ADAM10: variants seen among roughly 807,000 people sequenced by gnomAD.
ADAM10 encodes the protein ADAM metallopeptidase domain 10.
In ADAM10, 17 loss-of-function variants were observed where a neutral mutation model predicts 90.1. The ratio of observed to expected loss-of-function variants is 0.19; its 90% CI spans 0.13 to 0.28. ADAM10 has a LOEUF of 0.28. Ranked by LOEUF, ADAM10 falls within the 10% of genes least tolerant of loss-of-function variation. The pLI, the probability that ADAM10 is intolerant of heterozygous loss-of-function variation, is 1.00. For synonymous variants in ADAM10, 310 were observed against 298.6 expected (o/e 1.04, Z -0.40); for missense variants, 610 against 914.3 (o/e 0.67, Z 4.29).
chr15:58,649,254 T>G (rs952520995), intron 5 of ADAM10, among the ~76,000 whole-genome samples: 1 of 152,178 alleles, frequency 6.6e-6, no homozygotes, highest in Admixed American at 6.6e-5. Flanking sequence ...AAATATAAAT[T>G]ATAACATTTA....
intron 1 of ADAM10, among the ~76,000 whole-genome samples, chr15:58,727,147 G>A (rs1899057612): frequency 6.8e-6 from 1 of 146,014 alleles, no homozygotes; most frequent in South Asian, 2.1e-4. Flanking sequence ...ACTGGAAACT[G>A]GTGCACCACC....
chr15:58,592,882 TTTCA>T lies in ADAM10; in HGVS notation c.*4661_*4664del, dbSNP rs1445572980. 6.6e-6 allele frequency: 1 copy of T among 150,998 alleles called. No homozygotes were observed. Among genetic ancestry groups the T allele is most frequent in the Non-Finnish European group, 1.5e-5 (1 of 67,776 alleles). The allele number at this position is 150,998 out of a possible 1,614,324, so 9.4% of individuals were successfully genotyped here. On this transcript the variant is annotated 3_prime_UTR_variant, in exon 16 of 16. Transcript: ENST00000260408. ...CAACAATTCCACTTTTAGGAATTAATTTCATTATTAGGCTGAGGATTTTCCTAAG... is the reference window on the plus strand; with the variant it reads ...CAACAATTCCACTTTTAGGAATTAATTTATTAGGCTGAGGATTTTCCTAAG...
intron 5 of ADAM10, among the ~76,000 whole-genome samples, chr15:58,652,233 C>T (rs1224480248): frequency 1.3e-5 from 2 of 151,994 alleles, no homozygotes; most frequent in African/African-American, 2.4e-5. Context: ...TTTGCTGAGC[C>T]GCAGCTTTTA....
intron 10 of ADAM10, among the ~76,000 whole-genome samples, chr15:58,625,191 C>T (rs145625827): frequency 2.8e-4 from 43 of 152,078 alleles, no homozygotes; most frequent in African/African-American, 7.2e-4. Flanking sequence ...TTTTGCTCCA[C>T]GAAAGAACTG....
chr15:58,627,612 G>A (rs1895985167), intron 10 of ADAM10, 88 bp downstream of exon 10: 2 of 1,138,454 alleles, frequency 1.8e-6, no homozygotes, highest in African/African-American at 3.1e-5. Context: ...TGCAGGTGGT[G>A]GGTATGTCAG....
At chr15:58,728,871 T>G (rs1899127737) in intron 1 of ADAM10, among the ~76,000 whole-genome samples, 1 of 152,190 alleles carries the variant, frequency 6.6e-6, no homozygotes, top group African/African-American at 2.4e-5. Context: ...TAACTGTAGT[T>G]TGCTAATAGG....
chr15:58,680,550 C>T (rs1215298391), intron 3 of ADAM10, among the ~76,000 whole-genome samples: 2 of 152,140 alleles, frequency 1.3e-5, no homozygotes, highest in Non-Finnish European at 2.9e-5. Context: ...TACACTTCTC[C>T]AGTGAAAGGA....
At position 58,635,413 on chromosome 15, in the gene ADAM10, T is replaced by C. The variant is rs115633515; in HGVS notation, c.1013-2054A>G. The stretch of plus-strand genomic sequence containing the variant: ...GACCTGAGACTATAGGCCGGACAAA[T>C]AGCTGGAGTCACATGCAAATTTAAC... On this transcript the variant is annotated intron_variant, in intron 8 of 15. Coordinates refer to ENST00000260408, the MANE Select transcript of ADAM10 (RefSeq NM_001110.4). 5.7e-3 allele frequency among the ~76,000 whole-genome samples: 869 copies of C among 151,708 alleles called. 4 individuals are homozygous for C. The highest frequency in any genetic ancestry group is 0.02 in the African/African-American group (810 of 41,344).
At chr15:58,737,846 A>AC (rs1480467053) in intron 1 of ADAM10, among the ~76,000 whole-genome samples, 1 of 152,304 alleles carries the variant, frequency 6.6e-6, no homozygotes, top group East Asian at 1.9e-4. Flanking sequence ...AATTTCATTA[A>AC]CATCAGGAGA....
chr15:58,742,091 C>G (rs191387246), intron 1 of ADAM10, among the ~76,000 whole-genome samples: 1 of 152,178 alleles, frequency 6.6e-6, no homozygotes, highest in Non-Finnish European at 1.5e-5. Context: ...ATTTCATTTA[C>G]TCCAACAAAC....
At chr15:58,639,699 G>A (rs547458027) in intron 8 of ADAM10, among the ~76,000 whole-genome samples, 2 of 151,880 alleles carry the variant, frequency 1.3e-5, no homozygotes, top group Non-Finnish European at 2.9e-5. Flanking sequence ...TTAAAACATA[G>A]AAGAAAAACA....
intron 2 of ADAM10, among the ~76,000 whole-genome samples, chr15:58,689,945 C>CCCCG (rs1205344374): frequency 0.021 from 1,803 of 84,644 alleles, 50 homozygotes; most frequent in Non-Finnish European, 0.028. Context: ...CAAAGACAGA[C>CCCCG]CCCCCCCAAA....
chr15:58,649,787 G>A (rs1896640937), intron 5 of ADAM10, among the ~76,000 whole-genome samples: 1 of 152,092 alleles, frequency 6.6e-6, no homozygotes, highest in Non-Finnish European at 1.5e-5. Flanking sequence ...CATTTATCCT[G>A]CCCTAATTAC....
chr15:58,654,366 G>C (rs1259342919), intron 5 of ADAM10, among the ~76,000 whole-genome samples: 1 of 151,914 alleles, frequency 6.6e-6, no homozygotes, highest in Non-Finnish European at 1.5e-5. Flanking sequence ...TGTATCCTAC[G>C]CGTTGTGTTA....
intron 1 of ADAM10, chr15:58,748,751 C>G (rs1488508606): frequency 5.1e-6 from 2 of 395,348 alleles, no homozygotes; most frequent in Non-Finnish European, 8.9e-6. Flanking sequence ...CCGACCAAAC[C>G]CTTTCCCCTG....
chr15:58,660,130 T>C (rs1188308683), intron 5 of ADAM10, among the ~76,000 whole-genome samples: 3 of 152,216 alleles, frequency 2.0e-5, no homozygotes, highest in African/African-American at 7.2e-5. Context: ...CTAAACCCAA[T>C]TTCTGTTCCA....
chr15:58,697,187 G>A (rs1357388799), intron 2 of ADAM10, among the ~76,000 whole-genome samples: 1 of 152,202 alleles, frequency 6.6e-6, no homozygotes, highest in East Asian at 1.9e-4. Flanking sequence ...ACTATTGGCA[G>A]TGACCCTGCT....
chr15:58,662,776 G>T (rs1174122170), intron 5 of ADAM10, among the ~76,000 whole-genome samples: 1 of 152,176 alleles, frequency 6.6e-6, no homozygotes, highest in Non-Finnish European at 1.5e-5. Context: ...CTCAAGGAAA[G>T]CAACACCTGT....
At chr15:58,748,170 G>A (rs1006583247) in intron 1 of ADAM10, 52 of 152,146 alleles carry the variant, frequency 3.4e-4, no homozygotes, top group African/African-American at 1.3e-3. Context: ...ACAAAAAAAT[G>A]AACACTACAA....
Sources: gnomAD v4.1 joint callset for allele counts (sites outside exome capture counted in the v4.1 genomes callset) on GRCh38, gnomAD v4.1.1 for gene constraint, MANE v1.5 for transcripts, NCBI Gene and HGNC (gene_info 2026-07-23, HGNC 2026-07-21) for gene names.